MAFG: variants seen among roughly 807,000 people sequenced by gnomAD.
MAFG encodes transcription factor MafG.
MAFG carries 3 observed loss-of-function variants against 12.2 expected under a neutral mutation model. The observed-to-expected ratio is 0.25, with a 90% CI of 0.11 to 0.64. The LOEUF (loss-of-function observed/expected upper bound fraction) is 0.64. Among genes scored for constraint, MAFG ranks in the 30% least tolerant of loss-of-function variants. The pLI is 0.85. For synonymous variants in MAFG, 126 were observed against 109.1 expected (o/e 1.15, Z -0.96); for missense variants, 153 against 235.5 (o/e 0.65, Z 2.29).
intron 2 of MAFG, 41 bp downstream of exon 2, chr17:81,923,109 C>T (rs2040909187): frequency 2.5e-6 from 4 of 1,611,288 alleles, no homozygotes; most frequent in African/African-American, 1.3e-5. Flanking sequence ...CCACTGTGCC[C>T]CCCGACCCCA....
At chr17:81,923,126 AG>A in intron 2 of MAFG, 23 bp downstream of exon 2, 2 of 1,610,964 alleles carry the variant, frequency 1.2e-6, no homozygotes, top group Non-Finnish European at 1.7e-6. Flanking sequence ...CCCAGCCCAC[AG>A]GCTCCTGTCC....
rs1366197795 is a variant in MAFG, at chr17:81,918,468, C to A, written c.*4137G>T. On this transcript the variant is annotated 3_prime_UTR_variant, in exon 3 of 3. Coordinates refer to ENST00000357736, the MANE Select transcript of MAFG (RefSeq NM_002359.4). ...CCCTGCAAGAGGTCAGGCCCCTGCC[C>A]GCCCTACACGAAGTGTGAGCGCTCG... is the stretch of plus-strand genomic sequence containing the variant. The A allele has an allele frequency of 1.7e-5, 3 of 173,414 alleles. No individual in the cohort carries two copies. The highest frequency in any genetic ancestry group is 2.5e-5 in the Non-Finnish European group (2 of 81,398). 10.7% of individuals were successfully genotyped at this position (173,414 alleles called of 1,614,324 possible). A position where few individuals can be genotyped will look rare whatever the true frequency, so the allele number is the denominator to read the frequency against.
At chr17:81,923,371 T>G in intron 1 of MAFG, 157 bp from the exon 2 acceptor site, 3 of 522,642 alleles carry the variant, frequency 5.7e-6, no homozygotes, top group Non-Finnish European at 9.9e-6. Context: ...AGGCAGCCCT[T>G]GGCCTCTCCC....
In MAFG at chr17:81,920,368, T is replaced by C. The variant is rs1396627912; in HGVS notation, c.*2237A>G. ...GGGCACACCAGGCCAAACTATTGGATAAAAATCCCACCATCCATAGGGTTA... is the reference window on the plus strand; with the variant it reads ...GGGCACACCAGGCCAAACTATTGGACAAAAATCCCACCATCCATAGGGTTA... On this transcript the variant is annotated 3_prime_UTR_variant, in exon 3 of 3. Transcript: ENST00000357736. 1 of 152,174 alleles carries C rather than the reference T, an allele frequency of 6.6e-6. No individual in the cohort carries two copies. The highest frequency in any genetic ancestry group is 1.9e-4 in the East Asian group (1 of 5,190). 9.4% of individuals were successfully genotyped at this position (152,174 alleles called of 1,614,324 possible). A position where few individuals can be genotyped will look rare whatever the true frequency, so the allele number is the denominator to read the frequency against.
rs1004277992 is a variant in MAFG, at chr17:81,922,512, G to GA, written c.*92dup. On this transcript the variant is annotated 3_prime_UTR_variant, in exon 3 of 3. Coordinates refer to ENST00000357736, the MANE Select transcript of MAFG (RefSeq NM_002359.4). ...AGAGAAGGGTGGGGAAGAGAGGGAG[G>GA]AAAGAGAAGAGAAGGAAACAGAGGG... The GA allele has an allele frequency of 3.9e-6, 4 of 1,013,354 alleles. No homozygotes were observed. The highest frequency in any genetic ancestry group is 3.4e-5 in the African/African-American group (2 of 58,158). The allele number at this position is 1,013,354 out of a possible 1,614,324, so 62.8% of individuals were successfully genotyped here.
At position 81,924,983 on chromosome 17, in the gene MAFG, G is replaced by C. The variant is rs1212520145; in HGVS notation, c.-29-1769C>G. 6.6e-6 allele frequency among the ~76,000 whole-genome samples: 1 copy of C among 152,238 alleles called. No homozygotes were observed. The highest frequency in any genetic ancestry group is 1.5e-5 in the Non-Finnish European group (1 of 68,036). ...GCCCTCCGCAGAAGGCCTGAACTCA[G>C]CACAAGTGCAAGCCATCGCCTCCTA... is the stretch of plus-strand genomic sequence containing the variant. On this transcript the variant is annotated intron_variant, in intron 1 of 2. Transcript: ENST00000357736. The surrounding 1 kb of genome is among the most constrained non-coding windows in gnomAD (Gnocchi z 4.7).
Position 81,922,742 on chromosome 17 carries a change from C to A in MAFG, c.352G>T (p.Ala118Ser). Residue 118 changes from alanine (A) to serine (S), a missense_variant, in exon 3 of 3, where the codon GCC becomes TCC. Transcript: ENST00000357736. ...RSKYEALQTF[A>S]RTVARSPVAP... ...ACGGGGCTGCGGGCCACCGTCCGGGCGAAGGTCTGCAGCGCCTCGTACTTG... is the reference window on the plus strand; with the variant it reads ...ACGGGGCTGCGGGCCACCGTCCGGGAGAAGGTCTGCAGCGCCTCGTACTTG... 6.3e-7 allele frequency: 1 copy of A among 1,581,580 alleles called. No individual in the cohort carries two copies. The highest frequency in any genetic ancestry group is 1.1e-5 in the South Asian group (1 of 87,574).
Position 81,922,970 on chromosome 17 carries a change from G to A in MAFG, c.124C>T (p.Arg42Trp), listed in dbSNP as rs1318687211. 1.9e-6 allele frequency: 3 copies of A among 1,599,612 alleles called. No homozygotes were observed. The highest frequency in any genetic ancestry group is 2.6e-6 in the Non-Finnish European group (3 of 1,173,284). ...ACGATCTCCTCCTTGGACAGGCCCC[G>A]CAGGTGCTGGTTCAGCTCCCGCACC... The part of the protein sequence containing the change: ...MSVRELNQHL[R>W]GLSKEEIVQL... The change falls in exon 3 of 3, where the codon CGG (arginine) becomes TGG (tryptophan). Residue 42 changes from arginine to tryptophan, a missense_variant. By Grantham distance (101) the Arg-to-Trp change is moderately radical. Transcript: ENST00000357736.
At chr17:81,925,809 A>T (rs2040934921) in intron 1 of MAFG, among the ~76,000 whole-genome samples, 1 of 146,438 alleles carries the variant, frequency 6.8e-6, no homozygotes, top group African/African-American at 2.5e-5. Flanking sequence ...CTCCGTCTCA[A>T]AAAAAAAAAA....
In MAFG at chr17:81,922,268, T is replaced by G; in HGVS notation, c.*337A>C. On this transcript the variant is annotated 3_prime_UTR_variant, in exon 3 of 3. Coordinates refer to ENST00000357736, the MANE Select transcript of MAFG (RefSeq NM_002359.4). ...GCTCGGGGACACGCGAGGCCCAGCG[T>G]GCCTGCTCCTTCTCTCTCCCGCAAC... 5.4e-6 allele frequency: 1 copy of G among 184,908 alleles called. No individual in the cohort carries two copies. The allele number at this position is 184,908 out of a possible 1,614,324, so 11.5% of individuals were successfully genotyped here. A position where few individuals can be genotyped will look rare whatever the true frequency, so the allele number is the denominator to read the frequency against.
Position 81,926,616 on chromosome 17 carries a change from C to T in MAFG, c.-30+912G>A, listed in dbSNP as rs1392927376. Reference sequence around the variant, plus strand: ...CTAGCTCGGCCCACCGAAGCTCCTCCCCTCCCTCACTCAGGGAACTATTTC... The same window carrying T: ...CTAGCTCGGCCCACCGAAGCTCCTCTCCTCCCTCACTCAGGGAACTATTTC... On this transcript the variant is annotated intron_variant, in intron 1 of 2. Coordinates refer to ENST00000357736, the MANE Select transcript of MAFG (RefSeq NM_002359.4). The surrounding 1 kb of genome is among the most constrained non-coding windows in gnomAD (Gnocchi z 4.6). Among the ~76,000 whole-genome samples, 1 of 152,190 alleles carries T rather than the reference C, an allele frequency of 6.6e-6. No individual in the cohort carries two copies. Among genetic ancestry groups the T allele is most frequent in the East Asian group, 1.9e-4 (1 of 5,188 alleles).
chr17:81,922,346 C>T lies in MAFG; in HGVS notation c.*259G>A, dbSNP rs2040898638. On this transcript the variant is annotated 3_prime_UTR_variant, in exon 3 of 3. Coordinates refer to ENST00000357736, the MANE Select transcript of MAFG (RefSeq NM_002359.4). Reference sequence around the variant, plus strand: ...ACTCTGGACTCCAAGCCTGCATGGCCCTGGTACAAAAGGGGTTGGGGCGAC... The same window carrying T: ...ACTCTGGACTCCAAGCCTGCATGGCTCTGGTACAAAAGGGGTTGGGGCGAC... 6.4e-6 allele frequency: 2 copies of T among 311,604 alleles called. No individual in the cohort carries two copies. Among genetic ancestry groups the T allele is most frequent in the East Asian group, 5.3e-5 (1 of 18,812 alleles). The allele number at this position is 311,604 out of a possible 1,614,324, so 19.3% of individuals were successfully genotyped here. A position where few individuals can be genotyped will look rare whatever the true frequency, so the allele number is the denominator to read the frequency against.
At chr17:81,923,254 C>G in intron 1 of MAFG, 40 bp from the exon 2 acceptor site, 1 of 1,033,656 alleles carries the variant, frequency 9.7e-7, no homozygotes, top group South Asian at 2.1e-5. Flanking sequence ...GGAGACCACC[C>G]TCGCCGCACC....
Position 81,924,037 on chromosome 17 carries a change from C to G in MAFG, c.-29-823G>C, listed in dbSNP as rs1158969926. ...CCCCTCTAGACCTCCCAGTCGGCCT[C>G]CTCCACTGATGGAGTAACCATCCTG... On this transcript the variant is annotated intron_variant, in intron 1 of 2. Coordinates refer to ENST00000357736, the MANE Select transcript of MAFG (RefSeq NM_002359.4). This position sits in a 1 kb window ranked among gnomAD's most constrained non-coding sequence, Gnocchi z 4.7. The G allele has an allele frequency of 1.3e-5, 2 of 152,292 alleles. No homozygotes were observed. Among genetic ancestry groups the G allele is most frequent in the Non-Finnish European group, 2.9e-5 (2 of 68,080 alleles). The allele number at this position is 152,292 out of a possible 1,614,324, so 9.4% of individuals were successfully genotyped here.
chr17:81,925,652 C>CA (rs1044002788), intron 1 of MAFG, among the ~76,000 whole-genome samples: 2 of 151,688 alleles, frequency 1.3e-5, no homozygotes, highest in Non-Finnish European at 2.9e-5. Context: ...ACTAAAAATA[C>CA]AAAAAAATAG....
chr17:81,918,441 T>G lies in MAFG; in HGVS notation c.*4164A>C. The G allele has an allele frequency of 5.2e-6, 1 of 193,738 alleles. No individual in the cohort carries two copies. Among genetic ancestry groups the G allele is most frequent in the Non-Finnish European group, 1.1e-5 (1 of 94,242 alleles). 12.0% of individuals were successfully genotyped at this position (193,738 alleles called of 1,614,324 possible). ...GGCAGGGGTAGGGCACCAAGGCCAC[T>G]GCCCTGCAAGAGGTCAGGCCCCTGC... On this transcript the variant is annotated 3_prime_UTR_variant, in exon 3 of 3. Transcript: ENST00000357736.
chr17:81,927,451 C>G (rs1467974862), intron 1 of MAFG, 77 bp downstream of exon 1: 2 of 148,430 alleles, frequency 1.3e-5, no homozygotes, highest in African/African-American at 2.5e-5. Context: ...GGAGCCCTGC[C>G]TGCGCGCCCC....
rs1418453303 is a variant in MAFG at position 81,924,138 on chromosome 17, C to G, written c.-29-924G>C. ...TCACAAGGGCTCCCACAGTGAGCCA[C>G]CCCGGGCCTGCCCAACGTGAAGGCT... On this transcript the variant is annotated intron_variant, in intron 1 of 2. Coordinates refer to ENST00000357736, the MANE Select transcript of MAFG (RefSeq NM_002359.4). This position sits in a 1 kb window ranked among gnomAD's most constrained non-coding sequence, Gnocchi z 4.7. 6.6e-6 allele frequency: 1 copy of G among 152,354 alleles called. No homozygotes were observed. The highest frequency in any genetic ancestry group is 1.5e-5 in the Non-Finnish European group (1 of 68,116). The allele number at this position is 152,354 out of a possible 1,614,324, so 9.4% of individuals were successfully genotyped here.
chr17:81,927,036 G>A (rs946647122), intron 1 of MAFG, among the ~76,000 whole-genome samples: 6 of 151,622 alleles, frequency 4.0e-5, no homozygotes, highest in Non-Finnish European at 8.8e-5. Context: ...CAGGGGCAGG[G>A]TCTTCCCCGC....
Sources: allele counts gnomAD v4.1 joint callset (sites outside exome capture counted in the v4.1 genomes callset), GRCh38; gene constraint gnomAD v4.1.1; non-coding constraint Gnocchi (gnomAD v3.1); transcripts MANE v1.5; gene names NCBI Gene and HGNC (gene_info 2026-07-23, HGNC 2026-07-21).